Variants in RYR1 observed in about 807,000 individuals in gnomAD.
The protein encoded by RYR1 is ryanodine receptor 1.
RYR1 carries 342 observed loss-of-function variants against 583.5 expected under a neutral mutation model. That is an observed-to-expected ratio of 0.59 (90% CI 0.54 to 0.64). The LOEUF (loss-of-function observed/expected upper bound fraction) is 0.64, where lower values mean the gene tolerates loss of function less well. RYR1 is among the 30% of genes least tolerant of loss of function. RYR1 has a pLI of 0.00. For synonymous variants in RYR1, 2,791 were observed against 2,822.5 expected (o/e 0.99, Z 0.35); for missense variants, 6,032 against 6,917.2 (o/e 0.87, Z 4.54).
chr19:38,475,561 C>T, intron 29 of RYR1, 111 bp downstream of exon 29: 1 of 1,318,356 alleles, frequency 7.6e-7, no homozygotes, highest in Admixed American at 1.8e-5. Context: ...ACACTGGGGA[C>T]TCCCCAATAT....
chr19:38,466,476 G>T, intron 24 of RYR1, 78 bp downstream of exon 24: 4 of 1,261,682 alleles, frequency 3.2e-6, no homozygotes, highest in Non-Finnish European at 4.4e-6. Context: ...TCTCTGACCT[G>T]ACTCAGCCCC....
rs1200739909 is a variant in RYR1 at position 38,512,382 on chromosome 19, G to A, written c.9371G>A (p.Gly3124Asp). The A allele has an allele frequency of 6.2e-7, 1 of 1,614,052 alleles. No homozygotes were observed. The highest frequency in any genetic ancestry group is 1.1e-5 in the South Asian group (1 of 91,086). The change falls in exon 63 of 106, where the codon GGC becomes GAC. Residue 3124 changes from glycine to aspartate, a missense_variant. Physicochemically the swap from Gly to Asp is moderately conservative, Grantham distance 94. Transcript: ENST00000359596. The surrounding 1 kb of genome is among the most constrained non-coding windows in gnomAD (Gnocchi z 5.1). ...KVSQARTQVK[G>D]VGQNLTYTTV... is the part of the protein sequence containing the mutation. ...TCGCAGGCGCGCACCCAGGTGAAAGGCGTGGGCCAGAACCTCACCTACACC... is the reference window on the plus strand; with the variant it reads ...TCGCAGGCGCGCACCCAGGTGAAAGACGTGGGCCAGAACCTCACCTACACC...
intron 66 of RYR1, 24 bp downstream of exon 66, chr19:38,517,715 C>T (rs777813396): frequency 1.2e-5 from 19 of 1,608,436 alleles, no homozygotes; most frequent in Non-Finnish European, 1.6e-5. Flanking sequence ...CACTGGGCCT[C>T]TGAGGGGTGG....
At chr19:38,583,958 A>C (rs574983486) in intron 101 of RYR1, among the ~76,000 whole-genome samples, 1 of 152,010 alleles carries the variant, frequency 6.6e-6, no homozygotes, top group South Asian at 2.1e-4. Context: ...AACCATTTTC[A>C]GTTCCTCACA....
intron 87 of RYR1, 90 bp from the exon 88 acceptor site, chr19:38,546,355 G>C (rs1032445089): frequency 3.5e-5 from 39 of 1,101,184 alleles, no homozygotes; most frequent in Non-Finnish European, 7.0e-6. Context: ...AACGGGTTTA[G>C]GCCCTGCTGG....
chr19:38,562,761 C>T (rs1285037028), intron 90 of RYR1, among the ~76,000 whole-genome samples: 1 of 152,216 alleles, frequency 6.6e-6, no homozygotes, highest in Non-Finnish European at 1.5e-5. Flanking sequence ...ACACCTGCCC[C>T]GTGTGCCCAC....
intron 95 of RYR1, among the ~76,000 whole-genome samples, chr19:38,572,724 C>G (rs988083818): frequency 6.6e-6 from 1 of 152,046 alleles, no homozygotes; most frequent in African/African-American, 2.4e-5. Flanking sequence ...TCCCACAGCT[C>G]CCCTGTTCTC....
At chr19:38,442,696 C>T (rs1033310807) in intron 3 of RYR1, among the ~76,000 whole-genome samples, 8 of 152,180 alleles carry the variant, frequency 5.3e-5, no homozygotes, top group African/African-American at 1.4e-4. Context: ...CTCAGGCCCA[C>T]GCCCTGCACA....
chr19:38,438,202 C>T (rs938820557), intron 1 of RYR1, among the ~76,000 whole-genome samples: 2 of 151,818 alleles, frequency 1.3e-5, no homozygotes, highest in African/African-American at 4.9e-5. Flanking sequence ...ACTCAAATGT[C>T]ACCTCCTTGG....
At chr19:38,551,926 C>T (rs1436079764) in intron 89 of RYR1, among the ~76,000 whole-genome samples, 1 of 152,102 alleles carries the variant, frequency 6.6e-6, no homozygotes, top group Non-Finnish European at 1.5e-5. Flanking sequence ...CTTACAGCAA[C>T]CCTACATGGT....
chr19:38,562,372 C>T (rs1387085166), intron 90 of RYR1, among the ~76,000 whole-genome samples: 1 of 151,912 alleles, frequency 6.6e-6, no homozygotes, highest in Non-Finnish European at 1.5e-5. Flanking sequence ...CATATGGTTC[C>T]CCTCCCCATT....
chr19:38,576,806 A>G (rs766419459), intron 97 of RYR1, among the ~76,000 whole-genome samples: 1 of 152,146 alleles, frequency 6.6e-6, no homozygotes, highest in Admixed American at 6.6e-5. Context: ...TCTCAAAAAA[A>G]GAGAGAAATA....
At chr19:38,436,389 TG>T (rs1451296826) in intron 1 of RYR1, among the ~76,000 whole-genome samples, 1 of 151,944 alleles carries the variant, frequency 6.6e-6, no homozygotes, top group Non-Finnish European at 1.5e-5. Context: ...TAAAATTTTT[TG>T]TAGAGGTGAG....
At chr19:38,559,495 A>G (rs140839957) in intron 89 of RYR1, among the ~76,000 whole-genome samples, 64 of 151,998 alleles carry the variant, frequency 4.2e-4, no homozygotes, top group African/African-American at 1.4e-3. Context: ...CGGCCTCCCA[A>G]AGTCCTGGGA....
rs772821039 is a variant in RYR1 at position 38,529,057 on chromosome 19, G to T, written c.11141G>T (p.Ser3714Ile). 2 of 1,613,594 alleles carry T rather than the reference G, an allele frequency of 1.2e-6. No individual in the cohort carries two copies. The highest frequency in any genetic ancestry group is 1.7e-6 in the Non-Finnish European group (2 of 1,179,968). Reference sequence around the variant, plus strand: ...AGCCGCACTGCCCTGACGGAAAAGAGGTGAAGACTCTTGCCAGGGCCCCAG... The same window carrying T: ...AGCCGCACTGCCCTGACGGAAAAGATGTGAAGACTCTTGCCAGGGCCCCAG... ...HFSRTALTEK[S>I]KLDEDYLYMA... The change falls in exon 76 of 106, where the codon AGC (serine) becomes ATC (isoleucine). Residue 3714 changes from serine (S) to isoleucine (I), a missense_variant and splice_region_variant. By Grantham distance (142) the Ser-to-Ile change is moderately radical (BLOSUM62 -2). Transcript: ENST00000359596.
chr19:38,466,898 G>A (rs1351190665), intron 24 of RYR1, among the ~76,000 whole-genome samples: 10 of 152,080 alleles, frequency 6.6e-5, no homozygotes, highest in Admixed American at 2.6e-4. Flanking sequence ...GTTCCAACTC[G>A]GAACCTGATG....
In RYR1 at chr19:38,459,258, C is replaced by T. The variant is rs1348954257; in HGVS notation, c.2280C>T (p.Gly760=). 6.2e-7 allele frequency: 1 copy of T among 1,614,018 alleles called. No individual in the cohort carries two copies. The highest frequency in any genetic ancestry group is 1.3e-5 in the African/African-American group (1 of 74,914). The change falls in exon 19 of 106, where the codon GGC becomes GGT. Residue 760 remains glycine, a synonymous_variant. Coordinates refer to ENST00000359596, the MANE Select transcript of RYR1 (RefSeq NM_000540.3). ...CGTCCATCTCCTTCCGCATCAACGG[C>T]TGCCCCGTGCAGGGTGTCTTTGAGT... ...SVPSISFRIN[G]CPVQGVFESF...
At chr19:38,562,797 G>C (rs181585093) in intron 90 of RYR1, among the ~76,000 whole-genome samples, 1 of 152,164 alleles carries the variant, frequency 6.6e-6, no homozygotes, top group African/African-American at 2.4e-5. Flanking sequence ...TGAGCCTCTC[G>C]TGGTTGCACA....
chr19:38,485,589 G>C lies in RYR1; in HGVS notation c.4935-1G>C. The stretch of plus-strand genomic sequence containing the variant: ...CTGTCTGTTTCCCACCTCTGCTGCA[G>C]GTGCATGGACATCCTGGAGCTGTCG... On this transcript the variant is annotated splice_acceptor_variant, in intron 33 of 105. Coordinates refer to ENST00000359596, the MANE Select transcript of RYR1 (RefSeq NM_000540.3). LOFTEE classifies it high-confidence loss of function. 1.9e-6 allele frequency: 3 copies of C among 1,608,732 alleles called. No homozygotes were observed. Among genetic ancestry groups the C allele is most frequent in the Non-Finnish European group, 2.5e-6 (3 of 1,179,972 alleles).
Sources: allele counts gnomAD v4.1 joint callset (sites outside exome capture counted in the v4.1 genomes callset), GRCh38; gene constraint gnomAD v4.1.1; non-coding constraint Gnocchi (gnomAD v3.1); transcripts MANE v1.5; gene names NCBI Gene and HGNC (gene_info 2026-07-23, HGNC 2026-07-21).